HIP1: variants seen among roughly 807,000 people sequenced by gnomAD.
HIP1 encodes huntingtin interacting protein 1, also known as huntingtin-interacting protein 1.
A neutral mutation model predicts 147.6 loss-of-function variants in HIP1; 65 were observed. The observed-to-expected ratio is 0.44, with a 90% CI of 0.36 to 0.54. The LOEUF is 0.54. HIP1 is among the 20% of genes least tolerant of loss of function. HIP1 has a pLI of 0.00. For missense variants in HIP1, 1,061 were observed against 1,299.6 expected, an observed-to-expected ratio of 0.82 and a Z score of 2.82; for synonymous variants, 479 against 504.0, an observed-to-expected ratio of 0.95 and a Z score of 0.67.
chr7:75,676,993 A>G (rs2705807), intron 1 of HIP1, among the ~76,000 whole-genome samples: 106,002 of 151,606 alleles, frequency 0.7, 37,347 homozygotes, highest in African/African-American at 0.78. Context: ...TCAGGAGTTC[A>G]AGACTATCCT....
chr7:75,573,060 C>T (rs763256603), intron 8 of HIP1, among the ~76,000 whole-genome samples: 37 of 152,190 alleles, frequency 2.4e-4, no homozygotes, highest in Admixed American at 7.9e-4. Context: ...CGGTGGGGGC[C>T]GGGCTGCCAA....
At chr7:75,593,227 G>A (rs756891684) in intron 2 of HIP1, among the ~76,000 whole-genome samples, 13 of 152,118 alleles carry the variant, frequency 8.5e-5, no homozygotes, top group South Asian at 2.1e-4. Flanking sequence ...TCTTGGCCTC[G>A]CAAAGTGCTG....
In HIP1 at chr7:75,646,639, C is replaced by T. The variant is rs79350511; in HGVS notation, c.121-47392G>A. On this transcript the variant is annotated intron_variant, in intron 1 of 30. Transcript: ENST00000336926. ...CCTGTTCCTTGCTTCCTCCCATATC[C>T]GTGGCCCCCTTTCCCCAGGGGTCCA... 6.9e-3 allele frequency among the ~76,000 whole-genome samples: 1,049 copies of T among 152,334 alleles called. 12 individuals are homozygous for T. Among genetic ancestry groups the T allele is most frequent in the African/African-American group, 0.023 (964 of 41,586 alleles).
intron 1 of HIP1, among the ~76,000 whole-genome samples, chr7:75,662,000 G>A (rs1425025770): frequency 6.6e-6 from 1 of 150,928 alleles, no homozygotes; most frequent in African/African-American, 2.4e-5. Context: ...ATGGGAGAGA[G>A]ATGGATGAGT....
At chr7:75,664,774 C>A (rs1304033373) in intron 1 of HIP1, among the ~76,000 whole-genome samples, 1 of 152,054 alleles carries the variant, frequency 6.6e-6, no homozygotes, top group African/African-American at 2.4e-5. Flanking sequence ...GCATGCACCA[C>A]CACGTCCGAC....
chr7:75,716,242 A>G (rs1260122155), intron 1 of HIP1, among the ~76,000 whole-genome samples: 1 of 150,266 alleles, frequency 6.7e-6, no homozygotes. Context: ...TTTTTTTTTT[A>G]TTTTGGAGAC....
chr7:75,685,879 T>G (rs781170587), intron 1 of HIP1, among the ~76,000 whole-genome samples: 42 of 151,294 alleles, frequency 2.8e-4, no homozygotes, highest in Non-Finnish European at 5.9e-4. Flanking sequence ...AATAGCTTAT[T>G]CTGCCTGTGG....
At chr7:75,542,033 C>T (rs1255719250) in intron 28 of HIP1, 53 bp from the exon 29 acceptor site, 26 of 1,457,672 alleles carry the variant, frequency 1.8e-5, no homozygotes, top group Non-Finnish European at 2.5e-5. Flanking sequence ...GGCTGACTGG[C>T]ACCTGAGAGG....
At chr7:75,694,785 C>G (rs1318550014) in intron 1 of HIP1, among the ~76,000 whole-genome samples, 2 of 151,866 alleles carry the variant, frequency 1.3e-5, no homozygotes, top group Non-Finnish European at 2.9e-5. Context: ...GCTGGGATTA[C>G]ATGCATGAGC....
At chr7:75,672,473 T>C (rs2705827) in intron 1 of HIP1, among the ~76,000 whole-genome samples, 85,873 of 151,818 alleles carry the variant, frequency 0.57, 24,782 homozygotes, top group African/African-American at 0.66. Flanking sequence ...ACTACAGGCA[T>C]GCATCAGCAC....
chr7:75,559,713 G>GCCCCCC lies in HIP1; in HGVS notation c.1375+18_1375+19insGGGGGG. ...GCGCCTGCCCCCGGGGCCCGCCCCC[G>GCCCCCC]CCCCCACCCACCGCTCACTTTCTAT... On this transcript the variant is annotated intron_variant, in intron 14 of 30. Coordinates refer to ENST00000336926, the MANE Select transcript of HIP1 (RefSeq NM_005338.7). The GCCCCCC allele has an allele frequency of 3.9e-6, 1 of 259,574 alleles. No individual in the cohort carries two copies. The highest frequency in any genetic ancestry group is 6.2e-6 in the Non-Finnish European group (1 of 162,262). The allele number at this position is 259,574 out of a possible 1,614,324, so 16.1% of individuals were successfully genotyped here. A position where few individuals can be genotyped will look rare whatever the true frequency, so the allele number is the denominator to read the frequency against.
At chr7:75,708,766 T>C (rs1278920665) in intron 1 of HIP1, among the ~76,000 whole-genome samples, 2 of 152,160 alleles carry the variant, frequency 1.3e-5, no homozygotes, top group Admixed American at 1.3e-4. Context: ...AGTTTTATAA[T>C]AAGTTTTGAA....
Position 75,657,487 on chromosome 7 carries a change from G to A in HIP1, c.121-58240C>T, listed in dbSNP as rs191624937. On this transcript the variant is annotated intron_variant, in intron 1 of 30. Coordinates refer to ENST00000336926, the MANE Select transcript of HIP1 (RefSeq NM_005338.7). ...GGAGATTGCAGTGAGCCGAGATCCC[G>A]CCATTGCACTCCAGCCTGAGGGACA... Among the ~76,000 whole-genome samples the A allele has an allele frequency of 2.1e-3, 298 of 144,292 alleles. 1 individual carries two copies. Among genetic ancestry groups the A allele is most frequent in the African/African-American group, 7.0e-3 (274 of 38,900 alleles). 94.7% of individuals were successfully genotyped at this position (144,292 alleles called of 152,430 possible).
intron 1 of HIP1, among the ~76,000 whole-genome samples, chr7:75,610,234 G>T (rs1797385116): frequency 6.7e-6 from 1 of 148,280 alleles, no homozygotes; most frequent in Non-Finnish European, 1.5e-5. Context: ...TAAGAAACAG[G>T]GTCCTGTTCT....
chr7:75,669,352 G>A lies in HIP1; in HGVS notation c.120+69449C>T, dbSNP rs546218054. Among the ~76,000 whole-genome samples the A allele has an allele frequency of 1.4e-4, 21 of 152,180 alleles. 1 individual carries two copies. The highest frequency in any genetic ancestry group is 7.9e-4 in the Admixed American group (12 of 15,252). Reference sequence around the variant, plus strand: ...CATGCCACTGCACTCTAGCCTGGGCGACAGAGCGAGACTCCATCTCAAAAA... The same window carrying A: ...CATGCCACTGCACTCTAGCCTGGGCAACAGAGCGAGACTCCATCTCAAAAA... On this transcript the variant is annotated intron_variant, in intron 1 of 30. Transcript: ENST00000336926.
intron 1 of HIP1, among the ~76,000 whole-genome samples, chr7:75,724,423 T>C (rs1436890941): frequency 1.5e-4 from 22 of 151,710 alleles, no homozygotes; most frequent in Non-Finnish European, 3.1e-4. Context: ...AATTTTTGTA[T>C]TTTTAGTAGA....
intron 18 of HIP1, among the ~76,000 whole-genome samples, 169 bp from the exon 19 acceptor site, chr7:75,555,720 G>A (rs924021078): frequency 2.6e-5 from 4 of 152,082 alleles, no homozygotes; most frequent in African/African-American, 7.2e-5. Context: ...CAGGATGTGC[G>A]GCTGCCCACG....
intron 1 of HIP1, among the ~76,000 whole-genome samples, chr7:75,607,040 G>A (rs1797248334): frequency 6.6e-6 from 1 of 151,470 alleles, no homozygotes; most frequent in Non-Finnish European, 1.5e-5. Flanking sequence ...GACCAGCCTG[G>A]GCAATAGAGC....
At chr7:75,573,697 C>G in intron 8 of HIP1, 64 bp downstream of exon 8, 1 of 1,532,378 alleles carries the variant, frequency 6.5e-7, no homozygotes, top group South Asian at 1.2e-5. Flanking sequence ...TGGGGACATC[C>G]TCAGGCTGGG....
Sources: gnomAD v4.1 joint callset for allele counts (sites outside exome capture counted in the v4.1 genomes callset) on GRCh38, gnomAD v4.1.1 for gene constraint, MANE v1.5 for transcripts, NCBI Gene and HGNC (gene_info 2026-07-23, HGNC 2026-07-21) for gene names.